ATP5F1B: variants seen among roughly 807,000 people sequenced by gnomAD.
ATP5F1B encodes the protein ATP synthase F(1) complex subunit beta, mitochondrial.
A neutral mutation model predicts 45.9 loss-of-function variants in ATP5F1B; 17 were observed. The ratio of observed to expected loss-of-function variants is 0.37; its 90% CI spans 0.25 to 0.56. ATP5F1B has a LOEUF of 0.56. ATP5F1B is among the 20% of genes least tolerant of loss of function. The pLI is 0.80. For missense variants in ATP5F1B, 387 were observed against 673.2 expected, an observed-to-expected ratio of 0.57 and a Z score of 4.70; for synonymous variants, 218 against 256.5, an observed-to-expected ratio of 0.85 and a Z score of 1.43.
chr12:56,639,127 C>T lies in ATP5F1B; in HGVS notation c.1468G>A (p.Gly490Arg), dbSNP rs1565847209. The change falls in exon 9 of 10, where the codon GGA becomes AGA. Residue 490 changes from glycine to arginine, a missense_variant. By Grantham distance (125) the Gly-to-Arg change is moderately radical (BLOSUM62 -2). Transcript: ENST00000262030. ...TCACCTGCCAAAATCTGCTGGAATC[C>T]TTTGATGGTCTCCTTCAGGGGTACC... Reference protein sequence around the residue: ...KLVPLKETIKGFQQILAGEYD... With the variant: ...KLVPLKETIKRFQQILAGEYD... 1 of 1,614,150 alleles carries T rather than the reference C, an allele frequency of 6.2e-7. No homozygotes were observed. The highest frequency in any genetic ancestry group is 1.7e-5 in the Admixed American group (1 of 60,020).
rs1354407225 is a variant in ATP5F1B, at chr12:56,640,148, A to G, written c.1119T>C (p.Ala373=). 1.9e-6 allele frequency: 3 copies of G among 1,613,958 alleles called. No homozygotes were observed. Among genetic ancestry groups the G allele is most frequent in the Non-Finnish European group, 2.5e-6 (3 of 1,179,990 alleles). ...PADDLTDPAP[A]TTFAHLDATT... ...TAGCATCCAAATGGGCAAACGTAGT[A>G]GCAGGGGCAGGGTCAGTCAAGTCAT... Residue 373 remains alanine, a synonymous_variant, in exon 8 of 10, where the codon GCT becomes GCC. Transcript: ENST00000262030.
In ATP5F1B at chr12:56,638,406, G is replaced by A; in HGVS notation, c.1507C>T (p.Pro503Ser). ...CCCACCATATAGAAGGCCTGTTCTG[G>A]GAGATGGTCATATTCACCTGTATGA... The part of the protein sequence containing the change: ...QILAGEYDHL[P>S]EQAFYMVGPI... The change falls in exon 10 of 10, where the codon CCA becomes TCA. Residue 503 changes from proline to serine, a missense_variant. Coordinates refer to ENST00000262030, the MANE Select transcript of ATP5F1B (RefSeq NM_001686.4). The A allele has an allele frequency of 6.2e-7, 1 of 1,613,398 alleles. No individual in the cohort carries two copies.
At chr12:56,645,393 C>T (rs1565849028) in intron 1 of ATP5F1B, 40 bp from the exon 2 acceptor site, 1 of 1,577,180 alleles carries the variant, frequency 6.3e-7, no homozygotes. Flanking sequence ...GGGGTCAGGC[C>T]AGTTAAAGGT....
At chr12:56,644,386 G>GA (rs10716881) in intron 3 of ATP5F1B, among the ~76,000 whole-genome samples, 8 of 146,376 alleles carry the variant, frequency 5.5e-5, no homozygotes, top group Admixed American at 4.8e-4. Flanking sequence ...GGTGGGGGGG[G>GA]AATCACCCAA....
At chr12:56,638,479 C>A in intron 9 of ATP5F1B, 56 bp from the exon 10 acceptor site, 1 of 1,340,336 alleles carries the variant, frequency 7.5e-7, no homozygotes. Context: ...TATCAACTTT[C>A]TGCATCATGT....
rs1951499978 is a variant in ATP5F1B at position 56,640,035 on chromosome 12, T to C, written c.1232A>G (p.Asn411Ser). 1 of 1,614,000 alleles carries C rather than the reference T, an allele frequency of 6.2e-7. No homozygotes were observed. The highest frequency in any genetic ancestry group is 1.6e-4 in the Middle Eastern group (1 of 6,062). ...ATCGTAATGCTCACTGCCAACAATG[T>C]TGGGATCCATGATACGAGAGGTGGA... Reference protein sequence around the residue: ...LDSTSRIMDPNIVGSEHYDVA... With the variant: ...LDSTSRIMDPSIVGSEHYDVA... The change falls in exon 8 of 10, where the codon AAC becomes AGC. Residue 411 changes from asparagine (N) to serine (S), a missense_variant. Coordinates refer to ENST00000262030, the MANE Select transcript of ATP5F1B (RefSeq NM_001686.4).
At position 56,639,223 on chromosome 12, in the gene ATP5F1B, G is replaced by T. The variant is rs377482532; in HGVS notation, c.1372C>A (p.Arg458=). The change falls in exon 9 of 10, where the codon CGG becomes AGG. Residue 458 remains arginine (R), a synonymous_variant. Coordinates refer to ENST00000262030, the MANE Select transcript of ATP5F1B (RefSeq NM_001686.4). ...TGAGACAAGAAACGCTGTATTTTCC[G>T]TGCACGGGACACGGTCAACTTGTCT... ...EEDKLTVSRA[R]KIQRFLSQPF... 6 of 1,614,104 alleles carry T rather than the reference G, an allele frequency of 3.7e-6. No individual in the cohort carries two copies. Among genetic ancestry groups the T allele is most frequent in the Non-Finnish European group, 4.2e-6 (5 of 1,180,040 alleles).
chr12:56,644,582 A>T (rs1299518448), intron 3 of ATP5F1B, among the ~76,000 whole-genome samples, 199 bp downstream of exon 3: 1 of 152,086 alleles, frequency 6.6e-6, no homozygotes, highest in Non-Finnish European at 1.5e-5. Flanking sequence ...CCCTCTCAAA[A>T]AAAAAAACCT....
intron 9 of ATP5F1B, among the ~76,000 whole-genome samples, chr12:56,638,787 T>C (rs1193236055): frequency 2.0e-5 from 3 of 152,048 alleles, no homozygotes; most frequent in Non-Finnish European, 2.9e-5. Context: ...TCCCAGCTAC[T>C]TGGATGGTTG....
intron 7 of ATP5F1B, among the ~76,000 whole-genome samples, chr12:56,640,872 A>AT (rs1193226241): frequency 7.2e-6 from 1 of 138,204 alleles, no homozygotes; most frequent in Admixed American, 7.1e-5. Context: ...GTCTCTACTA[A>AT]AAAAAAAAAA....
In ATP5F1B at chr12:56,638,297, G is replaced by C. The variant is rs1399223045; in HGVS notation, c.*26C>G. 1.9e-6 allele frequency: 3 copies of C among 1,592,986 alleles called. No homozygotes were observed. The highest frequency in any genetic ancestry group is 1.7e-6 in the Non-Finnish European group (2 of 1,162,254). On this transcript the variant is annotated 3_prime_UTR_variant, in exon 10 of 10. Coordinates refer to ENST00000262030, the MANE Select transcript of ATP5F1B (RefSeq NM_001686.4). ...GCTTTTTGGGTTAGGGGCAAGGAGAGAGACAGTACAGAGGACAAAGACCCC... is the reference window on the plus strand; with the variant it reads ...GCTTTTTGGGTTAGGGGCAAGGAGACAGACAGTACAGAGGACAAAGACCCC...
chr12:56,644,249 T>C (rs1379416996), intron 3 of ATP5F1B, among the ~76,000 whole-genome samples: 3 of 151,986 alleles, frequency 2.0e-5, no homozygotes, highest in African/African-American at 4.8e-5. Context: ...CACATAGCAA[T>C]AGCAAATACA....
chr12:56,641,083 G>C (rs1175442422), intron 7 of ATP5F1B, among the ~76,000 whole-genome samples: 6 of 151,490 alleles, frequency 4.0e-5, no homozygotes, highest in Admixed American at 3.9e-4. Context: ...ATAAAAAAGA[G>C]GCTGGGCACA....
chr12:56,643,993 C>T (rs763402353), intron 3 of ATP5F1B, 35 bp from the exon 4 acceptor site: 1 of 1,604,772 alleles, frequency 6.2e-7, no homozygotes, highest in South Asian at 1.1e-5. Flanking sequence ...TATCTATTCA[C>T]CTTGTTGAAA....
In ATP5F1B at chr12:56,644,949, C is replaced by G. The variant is rs1268934708; in HGVS notation, c.317G>C (p.Ser106Thr). The G allele has an allele frequency of 1.9e-6, 3 of 1,613,980 alleles. No homozygotes were observed. Among genetic ancestry groups the G allele is most frequent in the African/African-American group, 1.3e-5 (1 of 74,920 alleles). ...ATCCATAGCAATAGTCCTTACTGTG[C>G]TCTCACCTGTTAGATACAGGCATCG... ...VLEVAQHLGE[S>T]TVRTIAMDGT... The change falls in exon 3 of 10, where the codon AGC becomes ACC. Residue 106 changes from serine (S) to threonine (T), a missense_variant. Ser to Thr is a moderately conservative substitution (Grantham distance 58). Coordinates refer to ENST00000262030, the MANE Select transcript of ATP5F1B (RefSeq NM_001686.4).
rs764722110 is a variant in ATP5F1B at position 56,640,067 on chromosome 12, A to C, written c.1200T>G (p.Pro400=). Residue 400 remains proline, a synonymous_variant, in exon 8 of 10, where the codon CCT becomes CCG. Coordinates refer to ENST00000262030, the MANE Select transcript of ATP5F1B (RefSeq NM_001686.4). The part of the protein sequence containing the change: ...AELGIYPAVD[P]LDSTSRIMDP... ...CCATGATACGAGAGGTGGAGTCTAG[A>C]GGATCCACAGCTGGATAGATGCCCA... 8.1e-6 allele frequency: 13 copies of C among 1,614,078 alleles called. No homozygotes were observed. Among genetic ancestry groups the C allele is most frequent in the Non-Finnish European group, 1.0e-5 (12 of 1,179,990 alleles).
At chr12:56,639,437 C>T (rs773538892) in intron 8 of ATP5F1B, 130 bp from the exon 9 acceptor site, 3 of 824,298 alleles carry the variant, frequency 3.6e-6, no homozygotes, top group South Asian at 1.6e-5. Flanking sequence ...CAAGAAAGAT[C>T]AGTGTCTTGT....
At chr12:56,644,024 T>A (rs999896963) in intron 3 of ATP5F1B, 66 bp from the exon 4 acceptor site, 1 of 1,558,962 alleles carries the variant, frequency 6.4e-7, no homozygotes, top group Admixed American at 1.8e-5. Context: ...ATCTTATATA[T>A]CCCTCCCTAT....
chr12:56,642,468 G>A lies in ATP5F1B; in HGVS notation c.1064C>T (p.Thr355Ile). Reference protein sequence around the residue: ...RITTTKKGSITSVQAIYVPAD... With the variant: ...RITTTKKGSIISVQAIYVPAD... ...TGTAATTTTTCTTACCTGTACAGAGGTGATAGATCCCTTCTTGGTAGTGGT... is the reference window on the plus strand; with the variant it reads ...TGTAATTTTTCTTACCTGTACAGAGATGATAGATCCCTTCTTGGTAGTGGT... The change falls in exon 7 of 10, where the codon ACC becomes ATC. Residue 355 changes from threonine to isoleucine, a missense_variant. Transcript: ENST00000262030. 6.2e-7 allele frequency: 1 copy of A among 1,613,904 alleles called. No individual in the cohort carries two copies. Among genetic ancestry groups the A allele is most frequent in the Non-Finnish European group, 8.5e-7 (1 of 1,180,028 alleles).
Sources: allele counts gnomAD v4.1 joint callset (sites outside exome capture counted in the v4.1 genomes callset), GRCh38; gene constraint gnomAD v4.1.1; transcripts MANE v1.5; gene names NCBI Gene and HGNC (gene_info 2026-07-23, HGNC 2026-07-21).